The following RIMS2 variants were observed in gnomAD, a reference collection of about 807,000 sequenced individuals.
RIMS2 encodes the protein regulating synaptic membrane exocytosis protein 2.
RIMS2 carries 59 observed loss-of-function variants against 174.4 expected under a neutral mutation model. The observed-to-expected ratio is 0.34, with a 90% CI of 0.27 to 0.42. The LOEUF is 0.42. Among genes scored for constraint, RIMS2 ranks in the 10% least tolerant of loss-of-function variants. The pLI is 1.00. For missense variants in RIMS2, 1,620 were observed against 1,666.3 expected (o/e 0.97, Z 0.48); for synonymous variants, 606 against 572.5 (o/e 1.06, Z -0.84).
intron 19 of RIMS2, among the ~76,000 whole-genome samples, chr8:104,098,933 A>C (rs1055027823): frequency 6.6e-6 from 1 of 152,224 alleles, no homozygotes; most frequent in African/African-American, 2.4e-5. Context: ...GGACTCTAAA[A>C]TACCAGCATT....
chr8:104,084,368 G>A (rs1018545469), intron 19 of RIMS2, among the ~76,000 whole-genome samples: 1 of 150,190 alleles, frequency 6.7e-6, no homozygotes, highest in Admixed American at 6.6e-5. Flanking sequence ...AACCTGGCAG[G>A]CAGAGGTTGC....
chr8:103,738,575 T>C (rs2139228101), intron 2 of RIMS2, among the ~76,000 whole-genome samples: 1 of 152,214 alleles, frequency 6.6e-6, no homozygotes, highest in South Asian at 2.1e-4. Flanking sequence ...CAAAAGAAAC[T>C]ACCATCAGGG....
intron 19 of RIMS2, among the ~76,000 whole-genome samples, chr8:104,104,012 C>CTA (rs747341692): frequency 1.8e-4 from 27 of 151,906 alleles, no homozygotes; most frequent in Non-Finnish European, 3.5e-4. Flanking sequence ...AGAGTAAGAA[C>CTA]CTGAAGATGG....
chr8:103,732,491 C>T (rs2097614896), intron 2 of RIMS2, among the ~76,000 whole-genome samples: 2 of 152,178 alleles, frequency 1.3e-5, no homozygotes, highest in Admixed American at 6.5e-5. Flanking sequence ...CTACAATCAG[C>T]AGGTGATTAA....
intron 17 of RIMS2, among the ~76,000 whole-genome samples, chr8:104,004,697 A>G (rs545340288): frequency 6.6e-6 from 1 of 152,326 alleles, no homozygotes; most frequent in South Asian, 2.1e-4. Context: ...AGAGAAAGAT[A>G]AGTCAAAAAT....
At chr8:104,142,357 C>T (rs2098591049) in intron 19 of RIMS2, among the ~76,000 whole-genome samples, 1 of 151,884 alleles carries the variant, frequency 6.6e-6, no homozygotes, top group Admixed American at 6.6e-5. Context: ...TCAAACTTCT[C>T]ACCCCAGGTG....
intron 3 of RIMS2, 86 bp downstream of exon 6, chr8:103,766,623 C>CCTA: frequency 1.1e-6 from 1 of 869,998 alleles, no homozygotes; most frequent in Non-Finnish European, 1.8e-6. Flanking sequence ...AATGTTTAGG[C>CCTA]AATGGTGAGT....
intron 17 of RIMS2, among the ~76,000 whole-genome samples, chr8:104,003,164 G>T (rs1261695464): frequency 1.3e-5 from 2 of 152,030 alleles, no homozygotes; most frequent in Non-Finnish European, 2.9e-5. Flanking sequence ...AACATCTATG[G>T]TGGGCAGCTA....
intron 19 of RIMS2, among the ~76,000 whole-genome samples, chr8:104,091,037 G>A (rs1240079160): frequency 1.3e-5 from 2 of 151,370 alleles, no homozygotes; most frequent in African/African-American, 2.4e-5. Flanking sequence ...TGCTTTACAC[G>A]CGTTATCTTG....
At chr8:103,530,344 A>G (rs10099086) in intron 1 of RIMS2, among the ~76,000 whole-genome samples, 57,185 of 151,872 alleles carry the variant, frequency 0.38, 11,106 homozygotes, top group African/African-American at 0.4. Context: ...ACAAGGAGAG[A>G]AAAATAAACA....
intron 19 of RIMS2, among the ~76,000 whole-genome samples, chr8:104,065,985 A>G (rs1275845956): frequency 1.3e-5 from 2 of 152,160 alleles, no homozygotes; most frequent in Admixed American, 6.6e-5. Context: ...ATTCTACCTA[A>G]TTTTTAAACC....
chr8:104,211,660 G>C (rs990345850), intron 19 of RIMS2, among the ~76,000 whole-genome samples: 8 of 151,766 alleles, frequency 5.3e-5, no homozygotes, highest in Admixed American at 5.3e-4. Context: ...TGCCTCCCAG[G>C]TTTAAGTGAT....
intron 3 of RIMS2, among the ~76,000 whole-genome samples, chr8:103,814,435 A>G (rs562885643): frequency 6.6e-6 from 1 of 151,988 alleles, no homozygotes; most frequent in Non-Finnish European, 1.5e-5. Context: ...AAAAAAAAAA[A>G]CTTAAAAAGA....
At chr8:103,615,122 C>A (rs985139826) in intron 1 of RIMS2, among the ~76,000 whole-genome samples, 2 of 151,870 alleles carry the variant, frequency 1.3e-5, no homozygotes, top group Admixed American at 6.6e-5. Flanking sequence ...TAAAATTGAC[C>A]ACATAATTGG....
intron 1 of RIMS2, among the ~76,000 whole-genome samples, chr8:103,596,001 T>A (rs1243359195): frequency 6.6e-6 from 1 of 151,976 alleles, no homozygotes; most frequent in African/African-American, 2.4e-5. Context: ...GGCTAATTCA[T>A]GGATTGTAGG....
intron 10 of RIMS2, chr8:103,922,533 G>A (rs1595205610): frequency 4.0e-6 from 1 of 250,986 alleles, no homozygotes; most frequent in Non-Finnish European, 8.2e-6. Context: ...GAAAAATACA[G>A]GTTAATATTA....
chr8:104,133,670 G>A (rs1311778886), intron 19 of RIMS2, among the ~76,000 whole-genome samples: 3 of 152,138 alleles, frequency 2.0e-5, no homozygotes, highest in Non-Finnish European at 2.9e-5. Flanking sequence ...TTGCAGTAGA[G>A]AGTGGCATGG....
chr8:103,775,316 G>T (rs1279411313), intron 3 of RIMS2, among the ~76,000 whole-genome samples: 1 of 151,992 alleles, frequency 6.6e-6, no homozygotes, highest in Admixed American at 6.6e-5. Flanking sequence ...TTTGTAAAAG[G>T]AAATCAAAGT....
At chr8:103,501,677 C>T (rs1021875715) in intron 1 of RIMS2, 2 of 152,676 alleles carry the variant, frequency 1.3e-5, no homozygotes, top group Non-Finnish European at 2.9e-5. Context: ...CAGCCCCTCC[C>T]CCTCGGCGAG....
Sources: allele counts gnomAD v4.1 joint callset (sites outside exome capture counted in the v4.1 genomes callset), GRCh38; gene constraint gnomAD v4.1.1; transcripts MANE v1.5; gene names NCBI Gene and HGNC (gene_info 2026-07-23, HGNC 2026-07-21).